Variants in DLGAP2 observed in about 807,000 individuals in gnomAD.
The protein encoded by DLGAP2 is DLG associated protein 2.
In DLGAP2, 26 loss-of-function variants were observed where a neutral mutation model predicts 100.3. That is an observed-to-expected ratio of 0.26 (90% CI 0.19 to 0.36). The LOEUF (loss-of-function observed/expected upper bound fraction) is 0.36. DLGAP2 is among the 10% of genes least tolerant of loss of function. The probability of loss-of-function intolerance (pLI) is 1.00; values close to 1 mark genes in which losing one functional copy is unlikely to be tolerated. For synonymous variants in DLGAP2, 886 were observed against 630.1 expected (o/e 1.41, Z -6.08); for missense variants, 1,858 against 1,453.2 (o/e 1.28, Z -4.53).
chr8:1,365,207 G>C (rs1377764821), intron 3 of DLGAP2, among the ~76,000 whole-genome samples: 1 of 152,116 alleles, frequency 6.6e-6, no homozygotes, highest in African/African-American at 2.4e-5. Context: ...CTTCTACCCG[G>C]TCCACACCTG....
chr8:1,110,469 G>A (rs771640348), intron 2 of DLGAP2, among the ~76,000 whole-genome samples: 22 of 150,732 alleles, frequency 1.5e-4, no homozygotes, highest in Non-Finnish European at 1.9e-4. Context: ...GTGTGCATGG[G>A]TCTGTGACAT....
At chr8:1,052,082 C>G (rs1337864845) in intron 2 of DLGAP2, among the ~76,000 whole-genome samples, 1 of 152,214 alleles carries the variant, frequency 6.6e-6, no homozygotes, top group East Asian at 1.9e-4. Flanking sequence ...CAACTGCACA[C>G]TGACGTTGTT....
chr8:1,490,107 G>A (rs1799338053), intron 3 of DLGAP2, among the ~76,000 whole-genome samples: 2 of 151,938 alleles, frequency 1.3e-5, no homozygotes, highest in South Asian at 4.2e-4. Flanking sequence ...GGCCAGGCTG[G>A]TCTTGAACTC....
At chr8:1,556,408 T>G (rs1468759225) in intron 5 of DLGAP2, among the ~76,000 whole-genome samples, 3 of 151,756 alleles carry the variant, frequency 2.0e-5, no homozygotes, top group African/African-American at 7.3e-5. Flanking sequence ...TCTGACCTCT[T>G]CCTCCCAGGG....
intron 3 of DLGAP2, among the ~76,000 whole-genome samples, chr8:1,345,138 TAC>T (rs2117091613): frequency 8.9e-6 from 1 of 112,566 alleles, no homozygotes; most frequent in East Asian, 3.0e-4. Context: ...TCGGTTTTGG[TAC>T]AGTGTTGAGA....
intron 6 of DLGAP2, among the ~76,000 whole-genome samples, chr8:1,575,724 T>C (rs1015588843): frequency 6.0e-5 from 9 of 149,058 alleles, no homozygotes; most frequent in Non-Finnish European, 8.9e-5. Flanking sequence ...TGGTGTTTGG[T>C]TTTTTGTTCT....
At chr8:813,802 A>C (rs1796414559) in intron 1 of DLGAP2, among the ~76,000 whole-genome samples, 1 of 152,158 alleles carries the variant, frequency 6.6e-6, no homozygotes, top group South Asian at 2.1e-4. Flanking sequence ...ACATTTCTCC[A>C]GCAGATAAAC....
intron 3 of DLGAP2, among the ~76,000 whole-genome samples, chr8:1,355,989 G>A (rs988284276): frequency 6.6e-6 from 1 of 152,112 alleles, no homozygotes; most frequent in Non-Finnish European, 1.5e-5. Flanking sequence ...CTCCGCATTT[G>A]GGTGTTTGTG....
intron 3 of DLGAP2, among the ~76,000 whole-genome samples, chr8:1,419,469 T>C: frequency 7.9e-6 from 1 of 126,066 alleles, no homozygotes. Flanking sequence ...TGTGTGTGTG[T>C]GTGTGTAGGT....
At chr8:1,176,663 G>A (rs1013244013) in intron 2 of DLGAP2, among the ~76,000 whole-genome samples, 1 of 152,168 alleles carries the variant, frequency 6.6e-6, no homozygotes, top group African/African-American at 2.4e-5. Flanking sequence ...GAGAGGGCAG[G>A]AAGGTGAAGG....
rs190418868 is a variant in DLGAP2 at position 778,955 on chromosome 8, C to A, written c.18+41130C>A. On this transcript the variant is annotated intron_variant, in intron 1 of 14. Coordinates refer to ENST00000637795, the MANE Select transcript of DLGAP2 (RefSeq NM_001346810.2). ...CTCCCCCAGCCTCGCTGCCACCTTG[C>A]AGTTTGATCTCAGACTGCTGTGCTA... is the stretch of plus-strand genomic sequence containing the variant. 4.4e-3 allele frequency among the ~76,000 whole-genome samples: 670 copies of A among 152,356 alleles called. 1 individual carries two copies. The highest frequency in any genetic ancestry group is 7.2e-3 in the Non-Finnish European group (490 of 68,030).
intron 3 of DLGAP2, among the ~76,000 whole-genome samples, chr8:1,458,190 G>A (rs914911087): frequency 5.3e-5 from 8 of 151,768 alleles, no homozygotes; most frequent in Non-Finnish European, 1.0e-4. Context: ...ACAGGCATGA[G>A]CCACCACACC....
intron 3 of DLGAP2, among the ~76,000 whole-genome samples, chr8:1,328,318 T>TATC (rs1322400852): frequency 6.7e-6 from 1 of 150,214 alleles, no homozygotes; most frequent in Non-Finnish European, 1.5e-5. Flanking sequence ...GTACAGTTAA[T>TATC]ATTATTATTA....
At position 1,504,963 on chromosome 8, in the gene DLGAP2, A is replaced by G. The variant is rs549318916; in HGVS notation, c.172+3532A>G. On this transcript the variant is annotated intron_variant, in intron 4 of 14. Transcript: ENST00000637795. The stretch of plus-strand genomic sequence containing the variant: ...AGGATTGAGAATCCTGATATAAAAC[A>G]TATGAAAGGATAATTAAGAGAAAAA... 1.2e-4 allele frequency among the ~76,000 whole-genome samples: 19 copies of G among 152,330 alleles called. No homozygotes were observed. The South Asian group carries it at 3.7e-3, about 30-fold the overall frequency.
At chr8:1,318,777 A>AT (rs1800825720) in intron 3 of DLGAP2, among the ~76,000 whole-genome samples, 1 of 56,158 alleles carries the variant, frequency 1.8e-5, no homozygotes, top group Non-Finnish European at 3.4e-5. Flanking sequence ...GTCAGTGATC[A>AT]GCCCCCCCCC....
At chr8:1,274,126 G>T (rs1333705526) in intron 3 of DLGAP2, among the ~76,000 whole-genome samples, 2 of 151,906 alleles carry the variant, frequency 1.3e-5, no homozygotes, top group Middle Eastern at 3.4e-3. Flanking sequence ...TACATTTATA[G>T]AAAATTTTAA....
At chr8:773,737 C>T (rs970542539) in intron 1 of DLGAP2, among the ~76,000 whole-genome samples, 6 of 152,018 alleles carry the variant, frequency 3.9e-5, no homozygotes, top group Non-Finnish European at 7.4e-5. Flanking sequence ...TTTCTTAATC[C>T]AGTCTATCAT....
intron 1 of DLGAP2, among the ~76,000 whole-genome samples, chr8:784,009 A>G (rs1368148943): frequency 1.3e-5 from 2 of 152,244 alleles, no homozygotes; most frequent in African/African-American, 4.8e-5. Context: ...CATCGCCAGA[A>G]TAACACACTT....
chr8:1,417,726 G>GGGGGCCACGGGGAGCCCCACCCCTGCCTC (rs1796967566), intron 3 of DLGAP2, among the ~76,000 whole-genome samples: 1 of 142,484 alleles, frequency 7.0e-6, no homozygotes, highest in Non-Finnish European at 1.5e-5. Flanking sequence ...CGAGGCTCCA[G>GGGGGCCACGGGGAGCCCCACCCCTGCCTC]ACACAGAAGC....
Sources: gnomAD v4.1 joint callset for allele counts (sites outside exome capture counted in the v4.1 genomes callset) on GRCh38, gnomAD v4.1.1 for gene constraint, MANE v1.5 for transcripts, NCBI Gene and HGNC (gene_info 2026-07-23, HGNC 2026-07-21) for gene names.